The following FBXL4 variants were observed in gnomAD, a reference collection of about 807,000 sequenced individuals.
The protein encoded by FBXL4 is F-box/LRR-repeat protein 4.
FBXL4 carries 40 observed loss-of-function variants against 58.9 expected under a neutral mutation model. That is an observed-to-expected ratio of 0.68 (90% CI 0.53 to 0.88). FBXL4 has a LOEUF of 0.88. Among genes scored for constraint, FBXL4 ranks in the 40% least tolerant of loss-of-function variants. The pLI is 0.00. For synonymous variants in FBXL4, 263 were observed against 265.5 expected (o/e 0.99, Z 0.09); for missense variants, 676 against 734.4 (o/e 0.92, Z 0.92).
intron 7 of FBXL4, chr6:98,898,294 A>G: frequency 8.1e-6 from 8 of 985,354 alleles, no homozygotes; most frequent in Non-Finnish European, 6.0e-6. Context: ...AGCAGAGGGA[A>G]AAAGTATATG....
intron 8 of FBXL4, among the ~76,000 whole-genome samples, chr6:98,876,841 G>A (rs991596187): frequency 3.3e-5 from 5 of 152,118 alleles, no homozygotes; most frequent in African/African-American, 7.2e-5. Flanking sequence ...GCAGAGTCAC[G>A]CAGTGGCCAG....
chr6:98,911,068 G>C (rs7743033), intron 5 of FBXL4, among the ~76,000 whole-genome samples: 15 of 151,970 alleles, frequency 9.9e-5, no homozygotes, highest in Non-Finnish European at 1.5e-5. Context: ...ACGGAGTCTC[G>C]CTGATTGCTA....
At chr6:98,937,576 A>G (rs1773268868) in intron 1 of FBXL4, among the ~76,000 whole-genome samples, 1 of 152,144 alleles carries the variant, frequency 6.6e-6, no homozygotes. Flanking sequence ...GGGAGGAGGA[A>G]GAGGAGGGGT....
At chr6:98,884,662 G>C (rs1457102717) in intron 7 of FBXL4, among the ~76,000 whole-genome samples, 1 of 152,146 alleles carries the variant, frequency 6.6e-6, no homozygotes, top group South Asian at 2.1e-4. Flanking sequence ...ATCACAATCT[G>C]TCTAAAAATG....
At chr6:98,909,954 T>C (rs9385565) in intron 5 of FBXL4, among the ~76,000 whole-genome samples, 25,111 of 152,204 alleles carry the variant, frequency 0.16, 2,438 homozygotes, top group East Asian at 0.28. Context: ...TGTAATATGT[T>C]GGAGAGGCAT....
intron 1 of FBXL4, among the ~76,000 whole-genome samples, chr6:98,935,895 T>TA (rs1318852254): frequency 2.0e-5 from 3 of 152,082 alleles, no homozygotes; most frequent in Admixed American, 6.5e-5. Flanking sequence ...ACTAAAATAT[T>TA]AAAAATTGGA....
chr6:98,882,123 T>C (rs1296154470), intron 7 of FBXL4, among the ~76,000 whole-genome samples: 2 of 152,084 alleles, frequency 1.3e-5, no homozygotes, highest in African/African-American at 4.8e-5. Flanking sequence ...ACACAACTTG[T>C]TTGGTAATTT....
intron 5 of FBXL4, among the ~76,000 whole-genome samples, chr6:98,908,753 A>G (rs1416958821): frequency 6.6e-6 from 1 of 152,142 alleles, no homozygotes; most frequent in Non-Finnish European, 1.5e-5. Context: ...ACAGAAACAT[A>G]ACACTTTCCC....
chr6:98,935,248 C>T (rs171894), intron 1 of FBXL4, among the ~76,000 whole-genome samples: 103,847 of 150,458 alleles, frequency 0.69, 36,598 homozygotes, highest in African/African-American at 0.85. Context: ...GAAAAAGGAA[C>T]TGAAGGAATC....
At chr6:98,893,614 C>T (rs1250533367) in intron 7 of FBXL4, among the ~76,000 whole-genome samples, 1 of 152,182 alleles carries the variant, frequency 6.6e-6, no homozygotes, top group Non-Finnish European at 1.5e-5. Context: ...CAATTCAGCC[C>T]ATAACACAAG....
rs918095746 is a variant in FBXL4, at chr6:98,926,200, C to G, written c.512+277G>C. 6.6e-5 allele frequency among the ~76,000 whole-genome samples: 10 copies of G among 151,988 alleles called. No individual in the cohort carries two copies. The South Asian group carries it at 1.0e-3, about 16-fold the overall frequency. ...CTAACGTCCCAGAATGGCCCATGTC[C>G]CTATGAGTTCAAATTGTGCTTTTTG... is the stretch of plus-strand genomic sequence containing the variant. On this transcript the variant is annotated intron_variant, in intron 4 of 9. Coordinates refer to ENST00000369244, the MANE Select transcript of FBXL4 (RefSeq NM_001278716.2).
intron 2 of FBXL4, among the ~76,000 whole-genome samples, chr6:98,929,479 G>A (rs1455108927): frequency 6.6e-6 from 1 of 151,032 alleles, no homozygotes; most frequent in Non-Finnish European, 1.5e-5. Context: ...AGTGAGGCAG[G>A]AGAATCGCTT....
rs375563207 is a variant in FBXL4 at position 98,869,833 on chromosome 6, C to T, written c.*4445G>A. On this transcript the variant is annotated 3_prime_UTR_variant, in exon 10 of 10. Coordinates refer to ENST00000369244, the MANE Select transcript of FBXL4 (RefSeq NM_001278716.2). ...TGCTACATATTGGCTCAAAAGTAAG[C>T]ACCTGAATATTAATTGTCTACATTT... 15 of 152,112 alleles carry T rather than the reference C, an allele frequency of 9.9e-5. No individual in the cohort carries two copies. The highest frequency in any genetic ancestry group is 3.6e-4 in the African/African-American group (15 of 41,416). 9.4% of individuals were successfully genotyped at this position (152,112 alleles called of 1,614,324 possible).
intron 2 of FBXL4, among the ~76,000 whole-genome samples, chr6:98,933,796 A>T (rs1480502959): frequency 6.6e-6 from 1 of 152,208 alleles, no homozygotes; most frequent in African/African-American, 2.4e-5. Context: ...ATGGCATAAG[A>T]GAATTAAAAT....
At chr6:98,900,169 G>A (rs756413845) in intron 6 of FBXL4, among the ~76,000 whole-genome samples, 8 of 152,090 alleles carry the variant, frequency 5.3e-5, no homozygotes, top group Admixed American at 1.3e-4. Flanking sequence ...GTTATAGTTG[G>A]GGGAAAAATA....
intron 5 of FBXL4, among the ~76,000 whole-genome samples, chr6:98,913,882 G>GT (rs1236854123): frequency 6.6e-6 from 1 of 152,106 alleles, no homozygotes; most frequent in Non-Finnish European, 1.5e-5. Flanking sequence ...CCAGAAGCTG[G>GT]TTTTTTGAAA....
intron 4 of FBXL4, among the ~76,000 whole-genome samples, chr6:98,920,819 T>TACATACAC (rs1554221589): frequency 2.3e-3 from 334 of 144,932 alleles, no homozygotes; most frequent in Non-Finnish European, 3.6e-3. Context: ...TACACACACA[T>TACATACAC]ACACACACAC....
At position 98,875,653 on chromosome 6, in the gene FBXL4, T is replaced by C. The variant is rs748404878; in HGVS notation, c.1464A>G (p.Arg488=). The part of the protein sequence containing the change: ...CKKLRTLDLW[R]CKNITENGIA... The stretch of plus-strand genomic sequence containing the variant: ...TTCCATTCTCAGTAATATTCTTACA[T>C]CTCCACAGATCCAGGGTCCGGAGTT... The change falls in exon 9 of 10, where the codon AGA becomes AGG. Residue 488 remains arginine (R), a synonymous_variant. Transcript: ENST00000369244. The C allele has an allele frequency of 1.2e-5, 20 of 1,614,000 alleles. No individual in the cohort carries two copies. Among genetic ancestry groups the C allele is most frequent in the Admixed American group, 5.0e-5 (3 of 59,988 alleles).
chr6:98,932,799 T>A (rs1773062723), intron 2 of FBXL4, among the ~76,000 whole-genome samples: 1 of 147,698 alleles, frequency 6.8e-6, no homozygotes, highest in South Asian at 2.1e-4. Flanking sequence ...TGAAAAAACA[T>A]GGAAAAACAC....
Sources: allele counts gnomAD v4.1 joint callset (sites outside exome capture counted in the v4.1 genomes callset), GRCh38; gene constraint gnomAD v4.1.1; transcripts MANE v1.5; gene names NCBI Gene and HGNC (gene_info 2026-07-23, HGNC 2026-07-21).